SEC14L5: variants seen among roughly 807,000 people sequenced by gnomAD.
The protein encoded by SEC14L5 is SEC14 like lipid binding 5, also known as SEC14-like protein 5.
In SEC14L5, 96 loss-of-function variants were observed where a neutral mutation model predicts 84.6. That is an observed-to-expected ratio of 1.13 (90% CI 0.96 to 1.34). SEC14L5 has a LOEUF of 1.34. Among genes scored for constraint, SEC14L5 ranks in the 40% most tolerant of loss-of-function variants. The pLI is 0.00. For synonymous variants in SEC14L5, 546 were observed against 383.4 expected, an observed-to-expected ratio of 1.42 and a Z score of -4.95; for missense variants, 1,224 against 942.5, an observed-to-expected ratio of 1.30 and a Z score of -3.91.
At chr16:5,000,950 T>TC (rs756677839) in intron 10 of SEC14L5, 25 bp downstream of exon 10, 16 of 1,576,644 alleles carry the variant, frequency 1.0e-5, no homozygotes, top group Admixed American at 1.8e-5. Context: ...TGGGCACAAA[T>TC]CCCCCCTAAA....
At chr16:4,963,415 G>T (rs1596610994) in intron 2 of SEC14L5, among the ~76,000 whole-genome samples, 1 of 152,178 alleles carries the variant, frequency 6.6e-6, no homozygotes, top group East Asian at 1.9e-4. Context: ...GCATGATCTT[G>T]GCTGACTGCA....
At chr16:5,005,024 A>C (rs1955715375) in intron 11 of SEC14L5, among the ~76,000 whole-genome samples, 1 of 152,218 alleles carries the variant, frequency 6.6e-6, no homozygotes, top group Admixed American at 6.5e-5. Context: ...AAATGTGCAG[A>C]ATAGGGCTGG....
chr16:4,987,285 A>T (rs1194932584), intron 2 of SEC14L5, among the ~76,000 whole-genome samples: 2 of 151,048 alleles, frequency 1.3e-5, no homozygotes, highest in East Asian at 3.9e-4. Flanking sequence ...AAATGTCCCC[A>T]GAGTCCCTGT....
intron 2 of SEC14L5, among the ~76,000 whole-genome samples, chr16:4,986,734 T>C (rs1162400509): frequency 1.3e-5 from 2 of 152,252 alleles, no homozygotes; most frequent in East Asian, 1.9e-4. Flanking sequence ...GTTCAGAGTA[T>C]ACATTTTACA....
intron 2 of SEC14L5, among the ~76,000 whole-genome samples, chr16:4,962,732 AT>A (rs1448615177): frequency 1.3e-5 from 2 of 150,390 alleles, no homozygotes; most frequent in African/African-American, 4.9e-5. Flanking sequence ...ACCTGCGTTA[AT>A]TTAAGTCATT....
intron 2 of SEC14L5, among the ~76,000 whole-genome samples, chr16:4,983,476 A>C (rs1955448560): frequency 6.7e-6 from 1 of 149,838 alleles, no homozygotes; most frequent in African/African-American, 2.4e-5. Context: ...TATACAGAAC[A>C]CCTTATATTT....
chr16:4,973,309 G>A (rs1189476364), intron 2 of SEC14L5, among the ~76,000 whole-genome samples: 1 of 152,212 alleles, frequency 6.6e-6, no homozygotes, highest in Non-Finnish European at 1.5e-5. Context: ...GTGTGTCCCG[G>A]GCTGGCTTTG....
At chr16:4,987,008 A>G (rs952582719) in intron 2 of SEC14L5, among the ~76,000 whole-genome samples, 2 of 152,062 alleles carry the variant, frequency 1.3e-5, no homozygotes, top group African/African-American at 4.8e-5. Context: ...TTCCTTTCCA[A>G]CTGGATGGCT....
chr16:4,960,721 G>T (rs1249476071), intron 2 of SEC14L5: 1 of 152,138 alleles, frequency 6.6e-6, no homozygotes, highest in African/African-American at 2.4e-5. Context: ...GAATCTCCTG[G>T]CTTCCAAATC....
chr16:5,006,143 G>A (rs1955730078), intron 12 of SEC14L5, 95 bp downstream of exon 12: 2 of 1,342,216 alleles, frequency 1.5e-6, no homozygotes, highest in Non-Finnish European at 2.1e-6. Context: ...GGGAGGTGGA[G>A]GGGGGCTGGG....
Position 5,008,578 on chromosome 16 carries a change from G to A in SEC14L5, c.1730G>A (p.Gly577Asp). Residue 577 changes from glycine (G) to aspartate (D), a missense_variant, in exon 14 of 16, where the codon GGC becomes GAC. By Grantham distance (94) the Gly-to-Asp change is moderately conservative (BLOSUM62 -1). Coordinates refer to ENST00000251170, the MANE Select transcript of SEC14L5 (RefSeq NM_014692.2). The part of the protein sequence containing the change: ...TRASGQLIDK[G>D]WVLGRDYSRV... ...GCCAGCGGGCAGCTGATCGACAAAG[G>A]CTGGGTCCTGGGCAGGGATTACAGC... is the stretch of plus-strand genomic sequence containing the variant. 1.9e-6 allele frequency: 3 copies of A among 1,607,798 alleles called. No individual in the cohort carries two copies. The highest frequency in any genetic ancestry group is 2.5e-6 in the Non-Finnish European group (3 of 1,178,070).
intron 13 of SEC14L5, among the ~76,000 whole-genome samples, chr16:5,007,727 T>C (rs753642271): frequency 4.0e-5 from 6 of 149,518 alleles, no homozygotes; most frequent in Non-Finnish European, 8.9e-5. Context: ...TGCCTCAGCC[T>C]CCCGAGTAGC....
chr16:4,965,079 A>T (rs975621959), intron 2 of SEC14L5, among the ~76,000 whole-genome samples: 6 of 152,192 alleles, frequency 3.9e-5, no homozygotes, highest in Non-Finnish European at 7.3e-5. Flanking sequence ...TGATTGACAC[A>T]TAAAAAGCTA....
In SEC14L5 at chr16:5,015,446, C is replaced by T. The variant is rs368913938; in HGVS notation, c.*476C>T. ...CTTAGCCTGGAAGGGGGAGCGATTG[C>T]CAGGTCAATTCCTGAACCAATCACA... On this transcript the variant is annotated 3_prime_UTR_variant, in exon 16 of 16. Transcript: ENST00000251170. 9 of 160,510 alleles carry T rather than the reference C, an allele frequency of 5.6e-5. No homozygotes were observed. The South Asian group carries it at 9.0e-4, about 16-fold the overall frequency. 9.9% of individuals were successfully genotyped at this position (160,510 alleles called of 1,614,324 possible).
chr16:5,005,314 C>G lies in SEC14L5; in HGVS notation c.1303-600C>G, dbSNP rs1246944255. Among the ~76,000 whole-genome samples, 5 of 151,426 alleles carry G rather than the reference C, an allele frequency of 3.3e-5. No homozygotes were observed. In the East Asian group the frequency reaches 9.8e-4, roughly 30 times the overall value. ...TGGGAGACAGAGCGAGACTCTGTCT[C>G]CGAAACAAAAACAAAAAAGAAACGC... On this transcript the variant is annotated intron_variant, in intron 11 of 15. Coordinates refer to ENST00000251170, the MANE Select transcript of SEC14L5 (RefSeq NM_014692.2).
intron 15 of SEC14L5, among the ~76,000 whole-genome samples, chr16:5,013,928 A>G (rs1460275791): frequency 6.6e-6 from 1 of 152,102 alleles, no homozygotes; most frequent in Non-Finnish European, 1.5e-5. Context: ...CCTGGCCTCA[A>G]GCGATCCCCC....
chr16:4,962,261 G>A (rs1248951892), intron 2 of SEC14L5, among the ~76,000 whole-genome samples: 5 of 152,028 alleles, frequency 3.3e-5, no homozygotes, highest in African/African-American at 9.7e-5. Context: ...CGCATTGCCT[G>A]TATTGGGTAT....
chr16:4,998,021 T>TG (rs1955630573), intron 8 of SEC14L5, among the ~76,000 whole-genome samples: 1 of 150,866 alleles, frequency 6.6e-6, no homozygotes, highest in Non-Finnish European at 1.5e-5. Context: ...TTTTTTTTTT[T>TG]GAGACAGAGT....
At chr16:5,003,715 T>C in intron 11 of SEC14L5, 142 bp downstream of exon 11, 1 of 615,086 alleles carries the variant, frequency 1.6e-6, no homozygotes, top group Non-Finnish European at 2.8e-6. Context: ...AGCATAAAGC[T>C]CACACTTTTT....
Sources: gnomAD v4.1 joint callset for allele counts (sites outside exome capture counted in the v4.1 genomes callset) on GRCh38, gnomAD v4.1.1 for gene constraint, MANE v1.5 for transcripts, NCBI Gene and HGNC (gene_info 2026-07-23, HGNC 2026-07-21) for gene names.